The following FHIT variants were observed in gnomAD, a reference collection of about 807,000 sequenced individuals.
FHIT encodes the protein bis(5'-adenosyl)-triphosphatase.
Under a neutral mutation model 17.9 loss-of-function variants are expected in FHIT, and 19 were observed. The ratio of observed to expected loss-of-function variants is 1.06; its 90% CI spans 0.74 to 1.56. FHIT has a LOEUF of 1.56. Ranked by LOEUF, FHIT falls within the 40% of genes most tolerant of loss-of-function variation. FHIT has a pLI of 0.00. For synonymous variants in FHIT, 81 were observed against 69.7 expected (o/e 1.16, Z -0.81); for missense variants, 248 against 189.2 (o/e 1.31, Z -1.82).
In FHIT at chr3:59,975,247, A is replaced by G. The variant is rs569868127; in HGVS notation, c.279+36124T>C. ...AATTAGAAGAAGGCAACATAAATGA[A>G]TAGCCAAAAGCTTGGGCCTCAGAGT... On this transcript the variant is annotated intron_variant, in intron 7 of 9. Transcript: ENST00000492590. Among the ~76,000 whole-genome samples the G allele has an allele frequency of 2.6e-5, 4 of 152,274 alleles. No homozygotes were observed. The South Asian group carries it at 8.3e-4, about 32-fold the overall frequency.
At chr3:61,000,640 A>C (rs1010877868) in intron 3 of FHIT, among the ~76,000 whole-genome samples, 12 of 152,310 alleles carry the variant, frequency 7.9e-5, no homozygotes, top group African/African-American at 2.9e-4. Context: ...CTGGAAAAAA[A>C]AGGAGATAGA....
At chr3:60,843,089 G>A (rs1276164203) in intron 3 of FHIT, among the ~76,000 whole-genome samples, 1 of 152,114 alleles carries the variant, frequency 6.6e-6, no homozygotes, top group African/African-American at 2.4e-5. Context: ...TCTGCAGAAA[G>A]TAAGAAAGAA....
chr3:60,855,813 C>G (rs1184093339), intron 3 of FHIT, among the ~76,000 whole-genome samples: 1 of 152,056 alleles, frequency 6.6e-6, no homozygotes, highest in African/African-American at 2.4e-5. Flanking sequence ...ATGTTTCCCT[C>G]TCTCCAGCCC....
intron 5 of FHIT, among the ~76,000 whole-genome samples, chr3:60,044,143 G>C (rs1340898445): frequency 6.6e-6 from 1 of 152,160 alleles, no homozygotes; most frequent in Admixed American, 6.6e-5. Context: ...TTGCAGCTCA[G>C]AGGAAATTTT....
chr3:60,517,001 C>G (rs944820400), intron 5 of FHIT, among the ~76,000 whole-genome samples: 1 of 152,134 alleles, frequency 6.6e-6, no homozygotes, highest in Non-Finnish European at 1.5e-5. Flanking sequence ...CCTTTCAAAA[C>G]CCTTTCATGT....
At chr3:60,534,439 C>CAAAAAAAAAAAAAAAAAAAAAA (rs563992117) in intron 5 of FHIT, among the ~76,000 whole-genome samples, 2 of 32,408 alleles carry the variant, frequency 6.2e-5, no homozygotes, top group African/African-American at 1.3e-4. Flanking sequence ...GACTCCGTCT[C>CAAAAAAAAAAAAAAAAAAAAAA]AAAAAAAAAA....
chr3:60,300,436 C>G (rs570440697), intron 5 of FHIT, among the ~76,000 whole-genome samples: 1 of 152,162 alleles, frequency 6.6e-6, no homozygotes, highest in African/African-American at 2.4e-5. Context: ...GACTCAAGTT[C>G]TAATGGAAAG....
chr3:60,137,006 A>G (rs1240824996), intron 5 of FHIT, among the ~76,000 whole-genome samples: 1 of 152,200 alleles, frequency 6.6e-6, no homozygotes, highest in African/African-American at 2.4e-5. Context: ...AAAAATTTTT[A>G]TGATAGTGTC....
intron 3 of FHIT, among the ~76,000 whole-genome samples, chr3:60,909,463 T>A (rs1417686441): frequency 6.6e-6 from 1 of 152,168 alleles, no homozygotes; most frequent in African/African-American, 2.4e-5. Flanking sequence ...ATGTTTACAT[T>A]TCTGATATGC....
At chr3:60,441,676 T>C (rs2030813054) in intron 5 of FHIT, among the ~76,000 whole-genome samples, 1 of 143,830 alleles carries the variant, frequency 7.0e-6, no homozygotes, top group Non-Finnish European at 1.5e-5. Flanking sequence ...TCTTGAAGAA[T>C]TGATATTTGA....
At chr3:60,124,009 T>TATATATATAGAG (rs1384962194) in intron 5 of FHIT, among the ~76,000 whole-genome samples, 1 of 12,160 alleles carries the variant, frequency 8.2e-5, no homozygotes. Context: ...TATATATATA[T>TATATATATAGAG]AGAGAGAGAG....
chr3:60,323,736 A>T lies in FHIT; in HGVS notation c.103+213124T>A, dbSNP rs1230695934. ...AATGGAAACATTCTATCTGTACCATAAATGGAAAACCAGTATCACTTGCCA... is the reference window on the plus strand; with the variant it reads ...AATGGAAACATTCTATCTGTACCATTAATGGAAAACCAGTATCACTTGCCA... On this transcript the variant is annotated intron_variant, in intron 5 of 9. Transcript: ENST00000492590. 2.0e-5 allele frequency among the ~76,000 whole-genome samples: 3 copies of T among 152,358 alleles called. 1 individual carries two copies. The highest frequency in any genetic ancestry group is 4.1e-4 in the South Asian group (2 of 4,832).
At chr3:60,574,549 G>A (rs1206824770) in intron 4 of FHIT, among the ~76,000 whole-genome samples, 1 of 151,934 alleles carries the variant, frequency 6.6e-6, no homozygotes, top group Non-Finnish European at 1.5e-5. Context: ...GAGCACTCAC[G>A]CATTCTATAG....
intron 4 of FHIT, chr3:60,537,427 G>A (rs962702807): frequency 6.2e-6 from 6 of 963,526 alleles, no homozygotes; most frequent in Non-Finnish European, 2.5e-6. Flanking sequence ...TCATATAATA[G>A]CAATTTAGAA....
chr3:60,937,831 G>C (rs1708256917), intron 3 of FHIT, among the ~76,000 whole-genome samples: 2 of 152,002 alleles, frequency 1.3e-5, no homozygotes, highest in South Asian at 4.1e-4. Context: ...CAAAGTGCTG[G>C]GATTACAGGG....
At chr3:60,710,006 C>A (rs558274246) in intron 4 of FHIT, among the ~76,000 whole-genome samples, 2 of 142,958 alleles carry the variant, frequency 1.4e-5, no homozygotes, top group South Asian at 4.6e-4. Context: ...TTCCTTGAGA[C>A]AACCATGATA....
intron 5 of FHIT, among the ~76,000 whole-genome samples, chr3:60,311,551 T>C (rs1425061961): frequency 6.6e-6 from 1 of 152,230 alleles, no homozygotes; most frequent in Non-Finnish European, 1.5e-5. Flanking sequence ...GCAAAGAATC[T>C]AGCTCATTAT....
At chr3:60,017,707 T>A (rs1700397161) in intron 5 of FHIT, among the ~76,000 whole-genome samples, 1 of 152,224 alleles carries the variant, frequency 6.6e-6, no homozygotes, top group South Asian at 2.1e-4. Flanking sequence ...ATCTCTCTTT[T>A]TGAACATGAA....
intron 5 of FHIT, among the ~76,000 whole-genome samples, chr3:60,241,588 T>C (rs1396628468): frequency 6.6e-6 from 1 of 152,122 alleles, no homozygotes; most frequent in African/African-American, 2.4e-5. Context: ...AGCAACAGAT[T>C]GCAGGTGGGG....
Sources: allele counts gnomAD v4.1 joint callset (sites outside exome capture counted in the v4.1 genomes callset), GRCh38; gene constraint gnomAD v4.1.1; transcripts MANE v1.5; gene names NCBI Gene and HGNC (gene_info 2026-07-23, HGNC 2026-07-21).